The following AFF3 variants were observed in gnomAD, a reference collection of about 807,000 sequenced individuals.
AFF3 encodes the protein ALF transcription elongation factor 3.
AFF3 carries 32 observed loss-of-function variants against 129.7 expected under a neutral mutation model. The ratio of observed to expected loss-of-function variants is 0.25; its 90% CI spans 0.19 to 0.33. AFF3 has a LOEUF of 0.33. Among genes scored for constraint, AFF3 ranks in the 10% least tolerant of loss-of-function variants. AFF3 has a pLI of 1.00. For synonymous variants in AFF3, 644 were observed against 635.4 expected, an observed-to-expected ratio of 1.01 and a Z score of -0.20; for missense variants, 1,373 against 1,592.0, an observed-to-expected ratio of 0.86 and a Z score of 2.34.
chr2:99,988,513 T>C (rs1014842614), intron 7 of AFF3, among the ~76,000 whole-genome samples: 2 of 152,218 alleles, frequency 1.3e-5, no homozygotes, highest in Admixed American at 1.3e-4. Flanking sequence ...TCTAGGTTAG[T>C]GTTTTCTAGC....
intron 11 of AFF3, among the ~76,000 whole-genome samples, chr2:99,716,525 TTAAGG>T (rs1404553020): frequency 1.3e-5 from 2 of 151,934 alleles, no homozygotes; most frequent in African/African-American, 4.8e-5. Flanking sequence ...TTGTACCTTG[TTAAGG>T]TAAGTGTTCA....
intron 8 of AFF3, among the ~76,000 whole-genome samples, chr2:99,786,576 A>G (rs1382460849): frequency 2.6e-5 from 4 of 152,218 alleles, no homozygotes; most frequent in Non-Finnish European, 5.9e-5. Flanking sequence ...CGTAAGGTTG[A>G]TAATTGTGGC....
intron 15 of AFF3, among the ~76,000 whole-genome samples, chr2:99,590,232 G>GGCAGCAATAGTCCCTGT (rs1199669982): frequency 6.6e-6 from 1 of 152,216 alleles, no homozygotes; most frequent in African/African-American, 2.4e-5. Context: ...TTGGGGCAAG[G>GGCAGCAATAGTCCCTGT]GCAGCAATAG....
intron 11 of AFF3, among the ~76,000 whole-genome samples, chr2:99,681,500 T>G (rs948571444): frequency 2.6e-5 from 4 of 152,230 alleles, no homozygotes; most frequent in African/African-American, 9.6e-5. Context: ...ATTCACATAT[T>G]GAAACCTAAC....
chr2:100,008,774 A>G, intron 5 of AFF3, 38 bp downstream of exon 5: 1 of 1,603,976 alleles, frequency 6.2e-7, no homozygotes, highest in Middle Eastern at 1.7e-4. Flanking sequence ...TGAGAGAAAC[A>G]AGTGAGAGGT....
chr2:99,558,632 TA>T (rs1213557951), intron 22 of AFF3, among the ~76,000 whole-genome samples: 1 of 151,418 alleles, frequency 6.6e-6, no homozygotes, highest in Non-Finnish European at 1.5e-5. Flanking sequence ...CAAAAATACA[TA>T]AAAAAATAAA....
At chr2:99,642,904 T>C (rs1293584136) in intron 13 of AFF3, among the ~76,000 whole-genome samples, 1 of 152,184 alleles carries the variant, frequency 6.6e-6, no homozygotes, top group Non-Finnish European at 1.5e-5. Context: ...ACAGTAAATG[T>C]GATAGTGATT....
intron 8 of AFF3, among the ~76,000 whole-genome samples, chr2:99,760,905 G>A (rs1682520108): frequency 6.7e-6 from 1 of 150,196 alleles, no homozygotes; most frequent in African/African-American, 2.4e-5. Flanking sequence ...TGCCCTTGGG[G>A]TTTCTTAGTC....
chr2:99,672,129 T>C (rs1291107435), intron 12 of AFF3, among the ~76,000 whole-genome samples: 1 of 149,870 alleles, frequency 6.7e-6, no homozygotes, highest in Non-Finnish European at 1.5e-5. Flanking sequence ...TGTTGCATGC[T>C]GATGAGGTTA....
At chr2:99,950,981 G>T (rs1472935682) in intron 7 of AFF3, among the ~76,000 whole-genome samples, 3 of 152,106 alleles carry the variant, frequency 2.0e-5, no homozygotes, top group African/African-American at 7.2e-5. Flanking sequence ...TGTCCACAAG[G>T]GGCTGCATAA....
At chr2:99,960,239 G>A (rs538323071) in intron 7 of AFF3, among the ~76,000 whole-genome samples, 1 of 152,190 alleles carries the variant, frequency 6.6e-6, no homozygotes, top group Non-Finnish European at 1.5e-5. Flanking sequence ...ATGGGCACTA[G>A]TGTTAACATC....
rs374132350 is a variant in AFF3 at position 100,023,014 on chromosome 2, T to C, written c.54-14082A>G. ...CCTCTGCCGAGTTAGCAGGCCTCCA[T>C]TCTGTGGGCCTCCATCTGGGTTTCC... On this transcript the variant is annotated intron_variant, in intron 4 of 24. Coordinates refer to ENST00000672756, the MANE Select transcript of AFF3 (RefSeq NM_001386135.1). 6.6e-4 allele frequency among the ~76,000 whole-genome samples: 100 copies of C among 152,314 alleles called. 2 individuals carry two copies. In the South Asian group the frequency reaches 0.017, roughly 25 times the overall value.
intron 11 of AFF3, among the ~76,000 whole-genome samples, chr2:99,674,275 C>T (rs977192138): frequency 8.5e-5 from 13 of 152,310 alleles, no homozygotes; most frequent in African/African-American, 7.2e-5. Context: ...CAGACACATA[C>T]GCTTGGCTTC....
rs1039608110 is a variant in AFF3 at position 99,634,737 on chromosome 2, T to C, written c.1184+14889A>G. On this transcript the variant is annotated intron_variant, in intron 13 of 24. Transcript: ENST00000672756. Reference sequence around the variant, plus strand: ...AACACAACCATTGCACTTTTCAAGTTTTTTTTTTTTGTCATCTTCTATATT... The same window carrying C: ...AACACAACCATTGCACTTTTCAAGTCTTTTTTTTTTGTCATCTTCTATATT... Among the ~76,000 whole-genome samples, 9 of 150,138 alleles carry C rather than the reference T, an allele frequency of 6.0e-5. No individual in the cohort carries two copies. In the South Asian group the frequency reaches 1.0e-3, roughly 17 times the overall value.
intron 9 of AFF3, among the ~76,000 whole-genome samples, chr2:99,747,433 G>A (rs763869340): frequency 4.6e-5 from 7 of 152,100 alleles, no homozygotes; most frequent in Non-Finnish European, 7.3e-5. Context: ...AGGCTCAAGC[G>A]ATCCTCCTGC....
In AFF3 at chr2:99,727,074, T is replaced by C; in HGVS notation, c.1091+3A>G. ...TCTCTGATAGAAAATGAAAGAAACT[T>C]ACGATGTATTCGATGTGCCATTGTC... On this transcript the variant is annotated splice_donor_region_variant and intron_variant, in intron 11 of 24. Coordinates refer to ENST00000672756, the MANE Select transcript of AFF3 (RefSeq NM_001386135.1). 6.2e-7 allele frequency: 1 copy of C among 1,604,388 alleles called. No homozygotes were observed. The highest frequency in any genetic ancestry group is 8.5e-7 in the Non-Finnish European group (1 of 1,176,716).
chr2:99,626,438 TC>T (rs1682571606), intron 13 of AFF3, among the ~76,000 whole-genome samples: 1 of 64,258 alleles, frequency 1.6e-5, no homozygotes. Flanking sequence ...CCTCCCTCCC[TC>T]TCCTTCCCTT....
chr2:99,842,938 G>A (rs994010871), intron 7 of AFF3, among the ~76,000 whole-genome samples: 1 of 152,192 alleles, frequency 6.6e-6, no homozygotes, highest in African/African-American at 2.4e-5. Flanking sequence ...CACATTTCAG[G>A]TGGAACTTGC....
At chr2:99,634,961 T>TCA (rs1480207163) in intron 13 of AFF3, among the ~76,000 whole-genome samples, 20 of 54,460 alleles carry the variant, frequency 3.7e-4, no homozygotes, top group South Asian at 1.7e-3. Flanking sequence ...CTGGATTCTG[T>TCA]CATACACACA....
Sources: allele counts gnomAD v4.1 joint callset (sites outside exome capture counted in the v4.1 genomes callset), GRCh38; gene constraint gnomAD v4.1.1; transcripts MANE v1.5; gene names NCBI Gene and HGNC (gene_info 2026-07-23, HGNC 2026-07-21).